COL5A1: variants seen among roughly 807,000 people sequenced by gnomAD.
COL5A1 encodes collagen alpha-1(V) chain.
Under a neutral mutation model 263.7 loss-of-function variants are expected in COL5A1, and 16 were observed. The ratio of observed to expected loss-of-function variants is 0.06; its 90% CI spans 0.04 to 0.09. COL5A1 has a LOEUF of 0.09. Ranked by LOEUF, COL5A1 falls within the 10% of genes least tolerant of loss-of-function variation. The pLI, the probability that COL5A1 is intolerant of heterozygous loss-of-function variation, is 1.00. For missense variants in COL5A1, 2,036 were observed against 2,540.5 expected (o/e 0.80, Z 4.27); for synonymous variants, 1,012 against 1,004.5 (o/e 1.01, Z -0.14).
In COL5A1 at chr9:134,742,829, C is replaced by T. The variant is rs149106020; in HGVS notation, c.1494+4021C>T. Among the ~76,000 whole-genome samples the T allele has an allele frequency of 1.9e-3, 294 of 152,336 alleles. 1 individual carries two copies. The highest frequency in any genetic ancestry group is 6.8e-3 in the African/African-American group (283 of 41,580). ...ATGCCATGGTGGCAGTGCCGTGCCC[C>T]TGTGGGTCGCTGAGCAGTGTTTGCC... On this transcript the variant is annotated intron_variant, in intron 11 of 65. Transcript: ENST00000371817. This position sits in a 1 kb window ranked among gnomAD's most constrained non-coding sequence, Gnocchi z 4.6.
At chr9:134,831,532 G>A (rs1185534688) in intron 64 of COL5A1, among the ~76,000 whole-genome samples, 3 of 152,216 alleles carry the variant, frequency 2.0e-5, no homozygotes, top group Non-Finnish European at 4.4e-5. Context: ...GGCCCGGAGG[G>A]ACAGAGCGTA....
At chr9:134,752,260 C>G (rs1288313690) in intron 13 of COL5A1, among the ~76,000 whole-genome samples, 1 of 150,552 alleles carries the variant, frequency 6.6e-6, no homozygotes, top group Non-Finnish European at 1.5e-5. Context: ...TCTGACCTAG[C>G]CAAGGGTGAT....
Position 134,758,999 on chromosome 9 carries a change from C to T in COL5A1, c.1935+703C>T, listed in dbSNP as rs1280554323. 6.6e-6 allele frequency among the ~76,000 whole-genome samples: 1 copy of T among 152,134 alleles called. No individual in the cohort carries two copies. The highest frequency in any genetic ancestry group is 1.9e-4 in the East Asian group (1 of 5,202). ...TGATAGAAAGCCTACAATCTCCTGC[C>T]CTGTTGAGGAGGTGTGGTGGGGAAG... On this transcript the variant is annotated intron_variant, in intron 18 of 65. Transcript: ENST00000371817. The surrounding 1 kb of genome is among the most constrained non-coding windows in gnomAD (Gnocchi z 4.1).
intron 49 of COL5A1, among the ~76,000 whole-genome samples, 182 bp from the exon 50 acceptor site, chr9:134,814,615 T>C (rs1838668387): frequency 6.6e-6 from 1 of 152,100 alleles, no homozygotes; most frequent in Non-Finnish European, 1.5e-5. Context: ...CCCCTCAGGG[T>C]GCACACAGGA....
Position 134,789,236 on chromosome 9 carries a change from C to T in COL5A1, c.2700+28C>T. On this transcript the variant is annotated intron_variant, in intron 32 of 65. Coordinates refer to ENST00000371817, the MANE Select transcript of COL5A1 (RefSeq NM_000093.5). This position sits in a 1 kb window ranked among gnomAD's most constrained non-coding sequence, Gnocchi z 4.8. ...AAGGATAGCCTGGCCCCTGGGCAGG[C>T]AGCTTGTTCGGCTGCCTCGGTGCCT... 6.2e-7 allele frequency: 1 copy of T among 1,606,716 alleles called. No individual in the cohort carries two copies. Among genetic ancestry groups the T allele is most frequent in the Non-Finnish European group, 8.5e-7 (1 of 1,175,066 alleles).
chr9:134,710,233 C>T (rs1348015537), intron 4 of COL5A1, among the ~76,000 whole-genome samples: 1 of 152,224 alleles, frequency 6.6e-6, no homozygotes, highest in African/African-American at 2.4e-5. Flanking sequence ...GTGGCAGGTG[C>T]GCCGCTGTGT....
At chr9:134,760,473 A>G (rs1412466941) in intron 18 of COL5A1, among the ~76,000 whole-genome samples, 4 of 99,502 alleles carry the variant, frequency 4.0e-5, no homozygotes, top group Non-Finnish European at 7.4e-5. Context: ...CCCCACATTC[A>G]TACACACATG....
chr9:134,799,854 T>C (rs186722207), intron 37 of COL5A1, among the ~76,000 whole-genome samples: 1 of 152,390 alleles, frequency 6.6e-6, no homozygotes, highest in African/African-American at 2.4e-5. Flanking sequence ...ATTATGTGCT[T>C]TTCTCCCTCT....
intron 44 of COL5A1, 119 bp downstream of exon 44, chr9:134,810,427 C>T (rs1838479710): frequency 1.0e-6 from 1 of 957,432 alleles, no homozygotes; most frequent in South Asian, 1.5e-5. Flanking sequence ...GCGGGACATG[C>T]TGTGAAAATC....
At chr9:134,697,105 G>A (rs80276260) in intron 2 of COL5A1, among the ~76,000 whole-genome samples, 2,552 of 151,968 alleles carry the variant, frequency 0.017, 37 homozygotes, top group Non-Finnish European at 0.018. Context: ...GAGGGAGTCC[G>A]GAGCCCACCC....
intron 4 of COL5A1, among the ~76,000 whole-genome samples, chr9:134,717,217 G>A (rs1272132203): frequency 6.6e-6 from 1 of 152,060 alleles, no homozygotes; most frequent in Non-Finnish European, 1.5e-5. Flanking sequence ...GGTGGCGTCC[G>A]GCCAGGCTGC....
chr9:134,754,508 C>T lies in COL5A1; in HGVS notation c.1827+182C>T, dbSNP rs965349772. Among the ~76,000 whole-genome samples the T allele has an allele frequency of 5.9e-5, 9 of 152,250 alleles. No homozygotes were observed. Among genetic ancestry groups the T allele is most frequent in the African/African-American group, 2.2e-4 (9 of 41,466 alleles). On this transcript the variant is annotated intron_variant, in intron 16 of 65. Transcript: ENST00000371817. The surrounding 1 kb of genome is among the most constrained non-coding windows in gnomAD (Gnocchi z 4.3). ...GAGCCAGCTGCCTGGGAGGGGCGCTCTGTGTCCTGGGCGCAGACACAGCGG... is the reference window on the plus strand; with the variant it reads ...GAGCCAGCTGCCTGGGAGGGGCGCTTTGTGTCCTGGGCGCAGACACAGCGG...
In COL5A1 at chr9:134,823,445, C is replaced by T. The variant is rs1180923658; in HGVS notation, c.4674C>T (p.Gly1558=). The T allele has an allele frequency of 7.4e-6, 12 of 1,614,178 alleles. No homozygotes were observed. Among genetic ancestry groups the T allele is most frequent in the East Asian group, 2.2e-5 (1 of 44,886 alleles). Reference sequence around the variant, plus strand: ...CAACTGGCCCGAAGGGTGAGGCAGGCCACCCAGGACCCCCAGGCCCCCCGG... The same window carrying T: ...CAACTGGCCCGAAGGGTGAGGCAGGTCACCCAGGACCCCCAGGCCCCCCGG... The part of the protein sequence containing the change: ...SGPTGPKGEA[G]HPGPPGPPGP... Residue 1558 remains glycine (G), a synonymous_variant, in exon 61 of 66, where the codon GGC becomes GGT. Coordinates refer to ENST00000371817, the MANE Select transcript of COL5A1 (RefSeq NM_000093.5).
At chr9:134,729,157 G>A (rs1233286374) in intron 6 of COL5A1, among the ~76,000 whole-genome samples, 1 of 152,238 alleles carries the variant, frequency 6.6e-6, no homozygotes, top group Admixed American at 6.5e-5. Context: ...TGCAGCTGTG[G>A]TGGGAGAGGA....
At chr9:134,779,951 G>C (rs1471152150) in intron 27 of COL5A1, 151 bp from the exon 28 acceptor site, 4 of 840,198 alleles carry the variant, frequency 4.8e-6, no homozygotes, top group South Asian at 2.7e-5. Context: ...GAGGCCACAG[G>C]GGGACATATG....
intron 1 of COL5A1, among the ~76,000 whole-genome samples, chr9:134,648,099 T>C (rs2132466564): frequency 6.6e-6 from 1 of 151,994 alleles, no homozygotes; most frequent in Admixed American, 6.6e-5. Flanking sequence ...CAGAAAAACA[T>C]GAAGAGACGA....
intron 42 of COL5A1, among the ~76,000 whole-genome samples, chr9:134,807,706 A>G (rs1012048913): frequency 2.0e-5 from 3 of 152,226 alleles, no homozygotes; most frequent in Non-Finnish European, 2.9e-5. Flanking sequence ...CATCTGGGCC[A>G]TTGAGAATCT....
At chr9:134,705,062 C>T (rs542737510) in intron 4 of COL5A1, among the ~76,000 whole-genome samples, 5 of 152,300 alleles carry the variant, frequency 3.3e-5, no homozygotes, top group Admixed American at 2.0e-4. Context: ...GGACAACTTC[C>T]GCTCATTCAA....
intron 2 of COL5A1, among the ~76,000 whole-genome samples, chr9:134,691,374 G>A (rs1458031807): frequency 6.6e-6 from 1 of 152,194 alleles, no homozygotes; most frequent in Non-Finnish European, 1.5e-5. Flanking sequence ...TAGCTGGGCC[G>A]CCAGGACTCC....
Sources: gnomAD v4.1 joint callset for allele counts (sites outside exome capture counted in the v4.1 genomes callset) on GRCh38, gnomAD v4.1.1 for gene constraint, Gnocchi (gnomAD v3.1) non-coding constraint, MANE v1.5 for transcripts, NCBI Gene and HGNC (gene_info 2026-07-23, HGNC 2026-07-21) for gene names.